Variants in KAZN observed in about 807,000 individuals in gnomAD.
KAZN encodes kazrin, periplakin interacting protein, also known as kazrin.
In KAZN, 40 loss-of-function variants were observed where a neutral mutation model predicts 87.4. The observed-to-expected ratio is 0.46, with a 90% CI of 0.36 to 0.60. KAZN has a LOEUF of 0.60. Ranked by LOEUF, KAZN falls within the 20% of genes least tolerant of loss-of-function variation. The pLI, the probability that KAZN is intolerant of heterozygous loss-of-function variation, is 0.00. For synonymous variants in KAZN, 466 were observed against 458.3 expected (o/e 1.02, Z -0.22); for missense variants, 898 against 1,073.9 (o/e 0.84, Z 2.29).
At chr1:14,899,817 GCA>G (rs897226534) in intron 1 of KAZN, among the ~76,000 whole-genome samples, 1 of 152,112 alleles carries the variant, frequency 6.6e-6, no homozygotes, top group African/African-American at 2.4e-5. Flanking sequence ...ACCGTCTTAA[GCA>G]CTGTCCTCAT....
chr1:14,486,076 C>T (rs1669338397), intron 2 of KAZN, among the ~76,000 whole-genome samples: 1 of 152,096 alleles, frequency 6.6e-6, no homozygotes, highest in Admixed American at 6.6e-5. Flanking sequence ...CTTGAATTTT[C>T]CTGGGCAAAG....
chr1:14,510,763 T>C (rs1670858786), intron 2 of KAZN, among the ~76,000 whole-genome samples: 2 of 152,186 alleles, frequency 1.3e-5, no homozygotes. Context: ...TGGCTTGGCT[T>C]AGGGGGTGGC....
chr1:15,034,935 C>T, intron 3 of KAZN, 50 bp downstream of exon 3: 1 of 1,603,612 alleles, frequency 6.2e-7, no homozygotes, highest in African/African-American at 1.3e-5. Flanking sequence ...CCAGCTCCCA[C>T]CTCCCCTGCT....
At chr1:13,914,035 A>G (rs974116613) in intron 1 of KAZN, among the ~76,000 whole-genome samples, 3 of 152,230 alleles carry the variant, frequency 2.0e-5, no homozygotes, top group African/African-American at 7.2e-5. Context: ...GTTTCAGCGC[A>G]TTCTGGCCTG....
At chr1:14,577,826 G>A (rs999248794) in intron 2 of KAZN, among the ~76,000 whole-genome samples, 1 of 152,150 alleles carries the variant, frequency 6.6e-6, no homozygotes, top group Non-Finnish European at 1.5e-5. Flanking sequence ...GAGAGGCAAG[G>A]CCAAGATATT....
intron 2 of KAZN, among the ~76,000 whole-genome samples, chr1:14,342,488 G>A (rs1657805463): frequency 6.6e-6 from 1 of 152,142 alleles, no homozygotes; most frequent in African/African-American, 2.4e-5. Flanking sequence ...ACTCTATGAG[G>A]GCAGAGATTT....
chr1:14,465,685 G>T (rs1668086837), intron 2 of KAZN, among the ~76,000 whole-genome samples: 1 of 152,148 alleles, frequency 6.6e-6, no homozygotes, highest in Admixed American at 6.5e-5. Context: ...CTTGTCAAGG[G>T]GAGGGAACTT....
chr1:14,410,347 C>T (rs1288090921), intron 2 of KAZN, among the ~76,000 whole-genome samples: 3 of 152,146 alleles, frequency 2.0e-5, no homozygotes, highest in Non-Finnish European at 4.4e-5. Flanking sequence ...AGTGATCCAC[C>T]CACCTCGGCC....
intron 1 of KAZN, among the ~76,000 whole-genome samples, chr1:14,170,432 G>GT (rs1645929035): frequency 1.3e-5 from 2 of 152,060 alleles, no homozygotes; most frequent in Admixed American, 1.3e-4. Flanking sequence ...ACAAATCCCA[G>GT]TGGTAGGGTC....
intron 1 of KAZN, among the ~76,000 whole-genome samples, chr1:14,686,132 G>A (rs749836405): frequency 3.7e-4 from 57 of 152,190 alleles, no homozygotes; most frequent in Non-Finnish European, 2.8e-4. Flanking sequence ...GCAGTGGCGT[G>A]ATCTCAGCTC....
At chr1:13,965,622 A>G (rs1167340646) in intron 1 of KAZN, among the ~76,000 whole-genome samples, 1 of 152,144 alleles carries the variant, frequency 6.6e-6, no homozygotes, top group Non-Finnish European at 1.5e-5. Context: ...AAGTCAGGGA[A>G]TACATCTGCA....
intron 1 of KAZN, among the ~76,000 whole-genome samples, chr1:14,950,747 G>A (rs959385497): frequency 6.6e-6 from 1 of 152,088 alleles, no homozygotes; most frequent in African/African-American, 2.4e-5. Context: ...TGCTGGGTCA[G>A]CTGAGCAAAG....
chr1:14,957,785 TCAGA>T (rs1663318833), intron 1 of KAZN, among the ~76,000 whole-genome samples: 1 of 152,182 alleles, frequency 6.6e-6, no homozygotes, highest in African/African-American at 2.4e-5. Flanking sequence ...GAAGGAGGCC[TCAGA>T]CAGGGCCAAA....
chr1:13,938,769 A>G (rs1640832733), intron 1 of KAZN, among the ~76,000 whole-genome samples: 1 of 152,188 alleles, frequency 6.6e-6, no homozygotes, highest in African/African-American at 2.4e-5. Context: ...CATCCTTTGA[A>G]ATCTAGGTAG....
chr1:14,391,037 A>G (rs990295613), intron 2 of KAZN, among the ~76,000 whole-genome samples: 2 of 152,232 alleles, frequency 1.3e-5, no homozygotes, highest in African/African-American at 4.8e-5. Context: ...ATGGGCAGGA[A>G]CTGGCTTGGG....
chr1:14,229,436 A>G (rs1647601561), intron 2 of KAZN, among the ~76,000 whole-genome samples: 1 of 152,188 alleles, frequency 6.6e-6, no homozygotes, highest in African/African-American at 2.4e-5. Context: ...GAATATGAAT[A>G]TTTTATGTCT....
chr1:14,484,456 T>C (rs1255373477), intron 2 of KAZN, among the ~76,000 whole-genome samples: 1 of 152,236 alleles, frequency 6.6e-6, no homozygotes, highest in Admixed American at 6.5e-5. Flanking sequence ...ATACCATGAA[T>C]ATGTACAATT....
intron 2 of KAZN, among the ~76,000 whole-genome samples, chr1:14,193,995 G>C (rs1646475674): frequency 6.6e-6 from 1 of 152,166 alleles, no homozygotes; most frequent in Admixed American, 6.5e-5. Flanking sequence ...GTGACTGGAA[G>C]TTGTCACCTG....
Position 14,598,785 on chromosome 1 carries a change from C to T in KAZN, c.-213C>T, listed in dbSNP as rs1213545471. The T allele has an allele frequency of 2.5e-5, 34 of 1,351,594 alleles. No homozygotes were observed. The highest frequency in any genetic ancestry group is 3.0e-5 in the Non-Finnish European group (32 of 1,057,044). 83.7% of individuals were successfully genotyped at this position (1,351,594 alleles called of 1,614,324 possible). A position where few individuals can be genotyped will look rare whatever the true frequency, so the allele number is the denominator to read the frequency against. On this transcript the variant is annotated 5_prime_UTR_variant, in exon 1 of 15. Transcript: ENST00000376030. This position sits in a 1 kb window ranked among gnomAD's most constrained non-coding sequence, Gnocchi z 4.2. ...TTTTTTCTCCTCCGCCTCCTCCCCC[C>T]GCCGCCTCGCCACCGCCGCGGCTAG...
Sources: allele counts gnomAD v4.1 joint callset (sites outside exome capture counted in the v4.1 genomes callset), GRCh38; gene constraint gnomAD v4.1.1; non-coding constraint Gnocchi (gnomAD v3.1); transcripts MANE v1.5; gene names NCBI Gene and HGNC (gene_info 2026-07-23, HGNC 2026-07-21).